The following SLC35F3 variants were observed in gnomAD, a reference collection of about 807,000 sequenced individuals.
The protein encoded by SLC35F3 is solute carrier family 35 member F3, also known as putative thiamine transporter SLC35F3.
Under a neutral mutation model 49.9 loss-of-function variants are expected in SLC35F3, and 25 were observed. That is an observed-to-expected ratio of 0.50 (90% CI 0.37 to 0.70). The LOEUF is 0.70. Ranked by LOEUF, SLC35F3 falls within the 30% of genes least tolerant of loss-of-function variation. SLC35F3 has a pLI of 0.00. For missense variants in SLC35F3, 525 were observed against 639.8 expected, an observed-to-expected ratio of 0.82 and a Z score of 1.94; for synonymous variants, 275 against 265.4, an observed-to-expected ratio of 1.04 and a Z score of -0.35.
At chr1:233,922,907 C>A (rs1181698779) in intron 2 of SLC35F3, among the ~76,000 whole-genome samples, 1 of 152,162 alleles carries the variant, frequency 6.6e-6, no homozygotes, top group Non-Finnish European at 1.5e-5. Context: ...AATCGGGAAT[C>A]GTTTCCCCAT....
intron 2 of SLC35F3, among the ~76,000 whole-genome samples, chr1:234,043,682 C>T (rs942312934): frequency 6.6e-6 from 1 of 152,026 alleles, no homozygotes; most frequent in African/African-American, 2.4e-5. Context: ...GTCTCCAGGA[C>T]CATTTGAGAA....
At chr1:234,013,590 C>T (rs1236257385) in intron 2 of SLC35F3, among the ~76,000 whole-genome samples, 3 of 151,484 alleles carry the variant, frequency 2.0e-5, no homozygotes, top group African/African-American at 7.3e-5. Context: ...GCAAAAAGCC[C>T]TTAGCTAGGC....
intron 2 of SLC35F3, among the ~76,000 whole-genome samples, chr1:234,013,851 C>CA (rs58366458): frequency 0.02 from 2,796 of 139,228 alleles, 42 homozygotes; most frequent in Non-Finnish European, 0.029. Flanking sequence ...ACTTTCCCAT[C>CA]AAAAAAAAAA....
chr1:234,051,394 T>C (rs1471684497), intron 2 of SLC35F3, among the ~76,000 whole-genome samples: 1 of 152,244 alleles, frequency 6.6e-6, no homozygotes, highest in Non-Finnish European at 1.5e-5. Context: ...TTATTCTCTT[T>C]GGAGCAATTG....
chr1:233,976,863 G>A (rs370540285), intron 2 of SLC35F3, among the ~76,000 whole-genome samples: 4 of 151,936 alleles, frequency 2.6e-5, no homozygotes, highest in Non-Finnish European at 5.9e-5. Flanking sequence ...CACCCACCTC[G>A]GCCTCCCCAA....
At chr1:234,085,769 G>T (rs1323814000) in intron 2 of SLC35F3, among the ~76,000 whole-genome samples, 1 of 152,064 alleles carries the variant, frequency 6.6e-6, no homozygotes, top group Non-Finnish European at 1.5e-5. Flanking sequence ...GTGATGTCTT[G>T]GTCCTGTAAA....
chr1:234,238,574 TG>T (rs1667509980), intron 3 of SLC35F3, among the ~76,000 whole-genome samples: 1 of 152,196 alleles, frequency 6.6e-6, no homozygotes, highest in African/African-American at 2.4e-5. Context: ...CCTATCATTG[TG>T]GTATTCATAG....
intron 2 of SLC35F3, among the ~76,000 whole-genome samples, chr1:234,111,059 A>G (rs1318417284): frequency 6.6e-6 from 1 of 152,204 alleles, no homozygotes; most frequent in African/African-American, 2.4e-5. Context: ...AGGAAATGGG[A>G]AACAGAAAAG....
intron 2 of SLC35F3, among the ~76,000 whole-genome samples, chr1:234,042,175 T>C (rs999541860): frequency 6.6e-6 from 1 of 152,218 alleles, no homozygotes; most frequent in African/African-American, 2.4e-5. Flanking sequence ...GAGGAAATGG[T>C]ACATAATAAG....
At chr1:234,238,844 C>A (rs1667513647) in intron 3 of SLC35F3, among the ~76,000 whole-genome samples, 1 of 152,158 alleles carries the variant, frequency 6.6e-6, no homozygotes, top group Non-Finnish European at 1.5e-5. Context: ...CATCTTTGAA[C>A]AGAAATCAAG....
chr1:234,087,755 C>T (rs55974189), intron 2 of SLC35F3, among the ~76,000 whole-genome samples: 47 of 152,284 alleles, frequency 3.1e-4, no homozygotes, highest in Non-Finnish European at 6.5e-4. Context: ...GTGGTCTAAC[C>T]TCATCCACAT....
intron 3 of SLC35F3, among the ~76,000 whole-genome samples, chr1:234,239,764 G>A (rs1443040406): frequency 6.6e-6 from 1 of 152,244 alleles, no homozygotes; most frequent in Admixed American, 6.5e-5. Flanking sequence ...TAGATGATAA[G>A]AACATATGCT....
intron 2 of SLC35F3, among the ~76,000 whole-genome samples, chr1:233,955,553 A>ATG (rs1189574695): frequency 6.6e-6 from 1 of 152,030 alleles, no homozygotes; most frequent in Admixed American, 6.6e-5. Context: ...TATGAGGATG[A>ATG]TGTGTGTGAA....
At chr1:234,181,058 A>G (rs1666549533) in intron 2 of SLC35F3, among the ~76,000 whole-genome samples, 1 of 152,186 alleles carries the variant, frequency 6.6e-6, no homozygotes, top group Non-Finnish European at 1.5e-5. Context: ...AAAAATGGCC[A>G]GGCGCGGTGG....
chr1:234,278,784 C>G (rs184241821), intron 3 of SLC35F3, among the ~76,000 whole-genome samples: 74 of 149,924 alleles, frequency 4.9e-4, no homozygotes, highest in African/African-American at 1.7e-3. Flanking sequence ...GCAGAGAGAG[C>G]AAGCTCTCTT....
chr1:233,927,208 A>G (rs1439048236), intron 2 of SLC35F3, among the ~76,000 whole-genome samples: 23 of 152,180 alleles, frequency 1.5e-4, no homozygotes, highest in Admixed American at 1.5e-3. Context: ...AGTTTCTATA[A>G]ACAAACAATC....
intron 2 of SLC35F3, among the ~76,000 whole-genome samples, chr1:234,114,631 C>A (rs1665457715): frequency 6.6e-6 from 1 of 152,146 alleles, no homozygotes; most frequent in South Asian, 2.1e-4. Flanking sequence ...AGATTTAATT[C>A]TTTTAATGTG....
At chr1:234,139,206 G>A (rs1267503121) in intron 2 of SLC35F3, among the ~76,000 whole-genome samples, 3 of 152,120 alleles carry the variant, frequency 2.0e-5, no homozygotes, top group Non-Finnish European at 2.9e-5. Flanking sequence ...AAAAGTTGGT[G>A]GTCACAAGAC....
intron 2 of SLC35F3, among the ~76,000 whole-genome samples, chr1:234,033,115 T>A (rs1367482150): frequency 6.6e-6 from 1 of 152,186 alleles, no homozygotes; most frequent in Non-Finnish European, 1.5e-5. Context: ...TTAGTGATGT[T>A]GAGCATTTTC....
Sources: gnomAD v4.1 joint callset for allele counts (sites outside exome capture counted in the v4.1 genomes callset) on GRCh38, gnomAD v4.1.1 for gene constraint, MANE v1.5 for transcripts, NCBI Gene and HGNC (gene_info 2026-07-23, HGNC 2026-07-21) for gene names.